The following PDE8A variants were observed in gnomAD, a reference collection of about 807,000 sequenced individuals.
PDE8A encodes the protein high affinity cAMP-specific and IBMX-insensitive 3',5'-cyclic phosphodiesterase 8A.
In PDE8A, 59 loss-of-function variants were observed where a neutral mutation model predicts 105.0. That is an observed-to-expected ratio of 0.56 (90% CI 0.46 to 0.70). The LOEUF (loss-of-function observed/expected upper bound fraction) is 0.70, where lower values mean the gene tolerates loss of function less well. Among genes scored for constraint, PDE8A ranks in the 30% least tolerant of loss-of-function variants. The pLI, the probability that PDE8A is intolerant of heterozygous loss-of-function variation, is 0.00. For synonymous variants in PDE8A, 355 were observed against 371.9 expected (o/e 0.95, Z 0.52); for missense variants, 1,014 against 1,045.9 (o/e 0.97, Z 0.42).
At chr15:85,050,216 C>G (rs1176085128) in intron 1 of PDE8A, among the ~76,000 whole-genome samples, 2 of 152,132 alleles carry the variant, frequency 1.3e-5, no homozygotes, top group African/African-American at 4.8e-5. Flanking sequence ...AGATATTACT[C>G]TCTTATCAGA....
At chr15:85,070,004 G>A (rs910292723) in intron 3 of PDE8A, among the ~76,000 whole-genome samples, 2 of 152,014 alleles carry the variant, frequency 1.3e-5, no homozygotes, top group Non-Finnish European at 1.5e-5. Context: ...AAGGATGCCC[G>A]CCCACTTTGG....
intron 1 of PDE8A, among the ~76,000 whole-genome samples, chr15:84,986,259 T>C (rs1281257892): frequency 6.6e-6 from 1 of 152,118 alleles, no homozygotes; most frequent in African/African-American, 2.4e-5. Context: ...ATGTAAGGAT[T>C]AGTGCAGCTA....
chr15:85,095,816 G>A (rs1243228925), intron 8 of PDE8A, among the ~76,000 whole-genome samples: 1 of 151,292 alleles, frequency 6.6e-6, no homozygotes, highest in Admixed American at 6.6e-5. Flanking sequence ...ACTTGGGATC[G>A]CTCAGTCACC....
chr15:85,095,056 T>C (rs1330761681), intron 8 of PDE8A, among the ~76,000 whole-genome samples: 2 of 152,076 alleles, frequency 1.3e-5, no homozygotes, highest in Admixed American at 6.6e-5. Flanking sequence ...GATGGCTGGA[T>C]GATGATGATT....
At chr15:85,124,503 C>T (rs576612558) in intron 19 of PDE8A, among the ~76,000 whole-genome samples, 1 of 152,350 alleles carries the variant, frequency 6.6e-6, no homozygotes, top group South Asian at 2.1e-4. Context: ...CTTATCCTCG[C>T]AGGCTAGGAT....
chr15:85,126,076 G>A (rs2082253852), intron 19 of PDE8A, 131 bp from the exon 20 acceptor site: 1 of 552,254 alleles, frequency 1.8e-6, no homozygotes, highest in Admixed American at 3.6e-5. Context: ...AGTATCCTTG[G>A]CACTGTTTTG....
intron 6 of PDE8A, 97 bp from the exon 7 acceptor site, chr15:85,089,241 T>C (rs1319873666): frequency 2.8e-6 from 2 of 715,630 alleles, no homozygotes; most frequent in Non-Finnish European, 4.8e-6. Context: ...CCCTTCCTTA[T>C]AAATCGGACA....
chr15:84,996,203 G>C (rs146173209), intron 1 of PDE8A, among the ~76,000 whole-genome samples: 3 of 150,596 alleles, frequency 2.0e-5, no homozygotes, highest in Non-Finnish European at 4.4e-5. Flanking sequence ...ATTATTTTTA[G>C]AGCCAGGGTC....
At chr15:85,076,870 T>C (rs966398647) in intron 5 of PDE8A, 83 bp downstream of exon 5, 5 of 940,266 alleles carry the variant, frequency 5.3e-6, no homozygotes, top group East Asian at 2.4e-5. Flanking sequence ...GCAAAAGCTT[T>C]GTATTAATTT....
intron 17 of PDE8A, among the ~76,000 whole-genome samples, chr15:85,118,451 C>T (rs574576270): frequency 4.5e-4 from 69 of 152,300 alleles, no homozygotes; most frequent in African/African-American, 1.5e-3. Context: ...GCAATCCTTT[C>T]GCATCTGGGC....
intron 1 of PDE8A, chr15:85,062,776 C>G (rs150325289): frequency 3.3e-5 from 5 of 152,322 alleles, no homozygotes; most frequent in Non-Finnish European, 7.3e-5. Flanking sequence ...GGAAGTTGCA[C>G]GTCTTCAATT....
chr15:85,012,726 A>T (rs1361204778), intron 1 of PDE8A, among the ~76,000 whole-genome samples: 1 of 152,120 alleles, frequency 6.6e-6, no homozygotes, highest in Non-Finnish European at 1.5e-5. Context: ...AAAAGAAGAA[A>T]ATAATGGTTT....
chr15:85,015,742 A>G (rs2080314872), intron 1 of PDE8A, among the ~76,000 whole-genome samples: 1 of 152,166 alleles, frequency 6.6e-6, no homozygotes. Flanking sequence ...ATATCACTCT[A>G]GACTCTCTCC....
chr15:85,042,946 G>A (rs994771319), intron 1 of PDE8A, among the ~76,000 whole-genome samples: 1 of 152,206 alleles, frequency 6.6e-6, no homozygotes, highest in East Asian at 1.9e-4. Context: ...TAATTCGATT[G>A]TGTGGATTGT....
chr15:85,084,859 G>A (rs1207149699), intron 6 of PDE8A, among the ~76,000 whole-genome samples: 1 of 152,086 alleles, frequency 6.6e-6, no homozygotes, highest in East Asian at 1.9e-4. Context: ...TAAAACCCCT[G>A]TCTCTTCTAC....
chr15:85,076,742 A>G lies in PDE8A; in HGVS notation c.501A>G (p.Arg167=). The change falls in exon 5 of 22, where the codon AGA becomes AGG. Residue 167 remains arginine (R), a synonymous_variant. Transcript: ENST00000394553. The part of the protein sequence containing the change: ...VIVGVVRRVD[R]EELSVMPFIS... ...CTGTGTTATTTTGAAGGGTGGATAGAGAAGAGTTGTCCGTAATGCCTTTCA... is the reference window on the plus strand; with the variant it reads ...CTGTGTTATTTTGAAGGGTGGATAGGGAAGAGTTGTCCGTAATGCCTTTCA... 1 of 1,595,376 alleles carries G rather than the reference A, an allele frequency of 6.3e-7. No individual in the cohort carries two copies. The highest frequency in any genetic ancestry group is 8.6e-7 in the Non-Finnish European group (1 of 1,162,928).
chr15:85,052,573 G>T (rs2080993515), intron 1 of PDE8A, among the ~76,000 whole-genome samples: 1 of 152,222 alleles, frequency 6.6e-6, no homozygotes, highest in South Asian at 2.1e-4. Context: ...CTGACGGCCA[G>T]TGATGATGAG....
intron 19 of PDE8A, among the ~76,000 whole-genome samples, chr15:85,124,014 T>C (rs1432623117): frequency 1.3e-5 from 2 of 152,192 alleles, no homozygotes; most frequent in Non-Finnish European, 1.5e-5. Context: ...TGGGCACATA[T>C]CATGGTAGCA....
chr15:85,020,424 C>T (rs368950490), intron 1 of PDE8A, among the ~76,000 whole-genome samples: 2 of 151,988 alleles, frequency 1.3e-5, no homozygotes, highest in Admixed American at 1.3e-4. Context: ...GCCAACACGG[C>T]GAAACCCTGT....
Sources: allele counts gnomAD v4.1 joint callset (sites outside exome capture counted in the v4.1 genomes callset), GRCh38; gene constraint gnomAD v4.1.1; transcripts MANE v1.5; gene names NCBI Gene and HGNC (gene_info 2026-07-23, HGNC 2026-07-21).